Variants in SLIT2 observed in about 807,000 individuals in gnomAD.
The protein encoded by SLIT2 is slit guidance ligand 2.
In SLIT2, 41 loss-of-function variants were observed where a neutral mutation model predicts 185.7. The ratio of observed to expected loss-of-function variants is 0.22; its 90% CI spans 0.17 to 0.29. SLIT2 has a LOEUF of 0.29. Ranked by LOEUF, SLIT2 falls within the 10% of genes least tolerant of loss-of-function variation. The pLI, the probability that SLIT2 is intolerant of heterozygous loss-of-function variation, is 1.00. For synonymous variants in SLIT2, 693 were observed against 680.2 expected (o/e 1.02, Z -0.29); for missense variants, 1,571 against 1,909.0 (o/e 0.82, Z 3.30).
chr4:20,360,330 G>A (rs1412803335), intron 4 of SLIT2, among the ~76,000 whole-genome samples: 2 of 152,076 alleles, frequency 1.3e-5, no homozygotes, highest in African/African-American at 2.4e-5. Flanking sequence ...GAGGTAAGTC[G>A]TTTGTCATTT....
intron 4 of SLIT2, among the ~76,000 whole-genome samples, chr4:20,349,100 G>A (rs187328719): frequency 1.3e-3 from 197 of 152,246 alleles, no homozygotes; most frequent in Admixed American, 1.8e-3. Flanking sequence ...AAGGTGATTG[G>A]ATATCTATTA....
chr4:20,347,644 C>A (rs1218473040), intron 4 of SLIT2, among the ~76,000 whole-genome samples: 1 of 152,208 alleles, frequency 6.6e-6, no homozygotes, highest in Non-Finnish European at 1.5e-5. Context: ...AAACATCCAT[C>A]AGGCTTAGCT....
At position 20,556,149 on chromosome 4, in the gene SLIT2, T is replaced by A. The variant is rs142943078; in HGVS notation, c.2725+2181T>A. 5.7e-3 allele frequency among the ~76,000 whole-genome samples: 869 copies of A among 152,152 alleles called. 18 individuals are homozygous for A. Among genetic ancestry groups the A allele is most frequent in the African/African-American group, 0.019 (800 of 41,418 alleles). On this transcript the variant is annotated intron_variant, in intron 26 of 36. Coordinates refer to ENST00000504154, the MANE Select transcript of SLIT2 (RefSeq NM_004787.4). ...GCATTGATTGCAAGAATTTTTGCAATAATCTTTCCTTTACGATCCTAGATC... is the reference window on the plus strand; with the variant it reads ...GCATTGATTGCAAGAATTTTTGCAAAAATCTTTCCTTTACGATCCTAGATC...
At chr4:20,408,254 A>G (rs1462569601) in intron 4 of SLIT2, among the ~76,000 whole-genome samples, 1 of 152,168 alleles carries the variant, frequency 6.6e-6, no homozygotes, top group African/African-American at 2.4e-5. Context: ...TAACCAGATG[A>G]TAGGAGAAAG....
intron 4 of SLIT2, among the ~76,000 whole-genome samples, chr4:20,375,894 C>T (rs926978397): frequency 3.3e-5 from 5 of 151,878 alleles, no homozygotes; most frequent in Non-Finnish European, 7.4e-5. Flanking sequence ...ATCAGGATCC[C>T]TTTATATTCT....
chr4:20,272,439 G>A (rs1166136019), intron 4 of SLIT2, among the ~76,000 whole-genome samples: 2 of 151,972 alleles, frequency 1.3e-5, no homozygotes, highest in Non-Finnish European at 2.9e-5. Context: ...AGATTGCAGG[G>A]AATTTTGAAA....
chr4:20,362,450 A>G (rs1722813398), intron 4 of SLIT2, among the ~76,000 whole-genome samples: 1 of 152,082 alleles, frequency 6.6e-6, no homozygotes, highest in African/African-American at 2.4e-5. Context: ...CTTGTTTTTC[A>G]TGGATTGATT....
At chr4:20,467,680 C>G in intron 4 of SLIT2, 72 bp from the exon 5 acceptor site, 2 of 959,218 alleles carry the variant, frequency 2.1e-6, no homozygotes, top group South Asian at 3.3e-5. Flanking sequence ...TATAACTTCT[C>G]AAACATTTGG....
intron 4 of SLIT2, among the ~76,000 whole-genome samples, chr4:20,288,711 T>C (rs1715519377): frequency 6.6e-6 from 1 of 152,160 alleles, no homozygotes; most frequent in Non-Finnish European, 1.5e-5. Flanking sequence ...ATTCATCACT[T>C]TACAAAAACA....
intron 30 of SLIT2, among the ~76,000 whole-genome samples, chr4:20,591,776 T>C (rs181439661): frequency 6.6e-6 from 1 of 152,016 alleles, no homozygotes; most frequent in African/African-American, 2.4e-5. Context: ...GAACTGCTCA[T>C]CTGCTGAACA....
chr4:20,535,897 G>A (rs139557987), intron 18 of SLIT2, among the ~76,000 whole-genome samples: 36 of 152,182 alleles, frequency 2.4e-4, no homozygotes, highest in African/African-American at 8.4e-4. Flanking sequence ...ATTAGGCAAC[G>A]TTGCCATTGT....
intron 8 of SLIT2, 105 bp downstream of exon 8, chr4:20,489,087 T>G (rs543593): frequency 0.74 from 616,205 of 831,134 alleles, 231,138 homozygotes; most frequent in East Asian, 0.97. Flanking sequence ...TCACTAATGT[T>G]CAATTGTGCA....
At chr4:20,495,281 A>T (rs1213128194) in intron 9 of SLIT2, among the ~76,000 whole-genome samples, 2 of 152,208 alleles carry the variant, frequency 1.3e-5, no homozygotes, top group African/African-American at 4.8e-5. Context: ...TAAGATGCAG[A>T]AACCTGTCAT....
At chr4:20,366,165 T>A (rs1211562876) in intron 4 of SLIT2, among the ~76,000 whole-genome samples, 1 of 152,066 alleles carries the variant, frequency 6.6e-6, no homozygotes, top group Non-Finnish European at 1.5e-5. Flanking sequence ...CCCTCTCTTA[T>A]TGCTCCTCTC....
chr4:20,297,043 C>T (rs1435754341), intron 4 of SLIT2, among the ~76,000 whole-genome samples: 1 of 152,156 alleles, frequency 6.6e-6, no homozygotes, highest in Non-Finnish European at 1.5e-5. Flanking sequence ...TTTCAAAGTG[C>T]CATTTTTTCC....
At chr4:20,388,191 A>T (rs1341136199) in intron 4 of SLIT2, among the ~76,000 whole-genome samples, 3 of 152,134 alleles carry the variant, frequency 2.0e-5, no homozygotes, top group Non-Finnish European at 4.4e-5. Context: ...AGTTCTAAAA[A>T]ACTAAACTGA....
intron 4 of SLIT2, among the ~76,000 whole-genome samples, chr4:20,344,139 C>T (rs756133639): frequency 3.9e-5 from 6 of 152,302 alleles, no homozygotes; most frequent in Admixed American, 2.0e-4. Context: ...TGAGCCACCG[C>T]GCCCGGCCAC....
At chr4:20,590,138 A>C (rs1040754331) in intron 30 of SLIT2, among the ~76,000 whole-genome samples, 5 of 151,830 alleles carry the variant, frequency 3.3e-5, no homozygotes, top group Admixed American at 6.6e-5. Flanking sequence ...ATCTCCTGAC[A>C]TCATGATCCG....
At chr4:20,534,807 T>C (rs1722122356) in intron 18 of SLIT2, among the ~76,000 whole-genome samples, 2 of 152,042 alleles carry the variant, frequency 1.3e-5, no homozygotes, top group Admixed American at 6.6e-5. Flanking sequence ...AAGATGTGTT[T>C]ATAGCATCCC....
Sources: gnomAD v4.1 joint callset for allele counts (sites outside exome capture counted in the v4.1 genomes callset) on GRCh38, gnomAD v4.1.1 for gene constraint, MANE v1.5 for transcripts, NCBI Gene and HGNC (gene_info 2026-07-23, HGNC 2026-07-21) for gene names.